The following GSE1 variants were observed in gnomAD, a reference collection of about 807,000 sequenced individuals.
GSE1 encodes the protein genetic suppressor element 1.
In GSE1, 32 loss-of-function variants were observed where a neutral mutation model predicts 112.6. That is an observed-to-expected ratio of 0.28 (90% CI 0.21 to 0.38). The LOEUF (loss-of-function observed/expected upper bound fraction) is 0.38. Among genes scored for constraint, GSE1 ranks in the 10% least tolerant of loss-of-function variants. The pLI is 1.00. For synonymous variants in GSE1, 1,115 were observed against 735.6 expected (o/e 1.52, Z -8.35); for missense variants, 2,348 against 1,699.2 (o/e 1.38, Z -6.71).
intron 2 of GSE1, among the ~76,000 whole-genome samples, chr16:85,516,209 A>C (rs1289232160): frequency 6.6e-6 from 1 of 151,924 alleles, no homozygotes; most frequent in Non-Finnish European, 1.5e-5. Flanking sequence ...GGCCTGGGGA[A>C]GGGGGCGGAG....
At chr16:85,310,779 G>GT (rs999067622) in intron 1 of GSE1, among the ~76,000 whole-genome samples, 3 of 150,692 alleles carry the variant, frequency 2.0e-5, no homozygotes, top group African/African-American at 7.3e-5. Flanking sequence ...TCTGGCCTGC[G>GT]TCCCCCCCCC....
At chr16:85,343,790 G>C (rs1017530720) in intron 1 of GSE1, among the ~76,000 whole-genome samples, 1 of 152,126 alleles carries the variant, frequency 6.6e-6, no homozygotes, top group Admixed American at 6.5e-5. Flanking sequence ...TCAAAATGAT[G>C]TCTCTTCAGC....
intron 1 of GSE1, among the ~76,000 whole-genome samples, chr16:85,264,043 A>G (rs1907983384): frequency 6.6e-6 from 1 of 152,100 alleles, no homozygotes; most frequent in African/African-American, 2.4e-5. Flanking sequence ...TGAGGGCTCC[A>G]CAGACCCTTA....
At chr16:85,443,490 G>A (rs1408526559) in intron 2 of GSE1, among the ~76,000 whole-genome samples, 1 of 152,268 alleles carries the variant, frequency 6.6e-6, no homozygotes, top group East Asian at 1.9e-4. Context: ...ATGGATGGAA[G>A]GCGCTTCCAC....
At chr16:85,659,123 G>T (rs1271562340) in intron 8 of GSE1, among the ~76,000 whole-genome samples, 2 of 152,184 alleles carry the variant, frequency 1.3e-5, no homozygotes, top group Admixed American at 1.3e-4. Flanking sequence ...TCTTCCTGTG[G>T]TTCCCTGTTG....
intron 1 of GSE1, among the ~76,000 whole-genome samples, chr16:85,617,353 C>A (rs2048433143): frequency 6.6e-6 from 1 of 152,182 alleles, no homozygotes; most frequent in South Asian, 2.1e-4. Context: ...TCACCTGCAC[C>A]TACCAGTCAT....
At chr16:85,364,296 C>G (rs2047142012) in intron 2 of GSE1, among the ~76,000 whole-genome samples, 1 of 152,332 alleles carries the variant, frequency 6.6e-6, no homozygotes, top group East Asian at 1.9e-4. Context: ...CTGCCCCCCT[C>G]TCCTACTTAG....
chr16:85,374,533 TGTGTGTGTGTGCGC>T (rs2047376140), intron 2 of GSE1, among the ~76,000 whole-genome samples: 2 of 20,684 alleles, frequency 9.7e-5, no homozygotes, highest in Non-Finnish European at 1.5e-3. Flanking sequence ...TGCGTGTGTG[TGTGTGTGTGTGCGC>T]GCGCGCGTGC....
intron 2 of GSE1, among the ~76,000 whole-genome samples, chr16:85,359,034 G>A (rs190581317): frequency 4.1e-4 from 62 of 152,342 alleles, no homozygotes; most frequent in Non-Finnish European, 6.9e-4. Context: ...GGACCCGAGC[G>A]TGTTTGTGAC....
At position 85,657,392 on chromosome 16, in the gene GSE1, T is replaced by G. The variant is rs765018382; in HGVS notation, c.1428T>G (p.Ser476=). 1.2e-6 allele frequency: 2 copies of G among 1,612,612 alleles called. No individual in the cohort carries two copies. Among genetic ancestry groups the G allele is most frequent in the Admixed American group, 3.3e-5 (2 of 59,978 alleles). The change falls in exon 8 of 16, where the codon TCT becomes TCG. Residue 476 remains serine, a synonymous_variant. Coordinates refer to ENST00000253458, the MANE Select transcript of GSE1 (RefSeq NM_014615.5). ...PSLISNHGIF[S]LPSSSAATAL... ...TCATCTCCAACCATGGCATCTTCTC[T>G]CTGCCTAGCAGCAGTGCTGCCACAG...
chr16:85,271,899 G>A (rs1381837510), intron 1 of GSE1, among the ~76,000 whole-genome samples: 1 of 152,236 alleles, frequency 6.6e-6, no homozygotes, highest in Non-Finnish European at 1.5e-5. Flanking sequence ...GGAGACCCCA[G>A]GGCTGGGGTC....
At chr16:85,527,298 C>G (rs574407469) in intron 2 of GSE1, among the ~76,000 whole-genome samples, 1 of 152,216 alleles carries the variant, frequency 6.6e-6, no homozygotes, top group African/African-American at 2.4e-5. Context: ...TCATGTGAGG[C>G]GGGTGATTGA....
chr16:85,665,789 C>A (rs770618243), intron 12 of GSE1, among the ~76,000 whole-genome samples, 187 bp from the exon 13 acceptor site: 15 of 152,202 alleles, frequency 9.9e-5, no homozygotes, highest in Admixed American at 7.9e-4. Flanking sequence ...ATGGACTTGC[C>A]ACTAAACACC....
intron 1 of GSE1, among the ~76,000 whole-genome samples, chr16:85,179,351 G>A (rs952841112): frequency 3.3e-5 from 5 of 152,208 alleles, no homozygotes; most frequent in Non-Finnish European, 5.9e-5. Flanking sequence ...CCCGTTTTGT[G>A]GCTAAGAACG....
At chr16:85,280,917 G>A (rs2044838919) in intron 1 of GSE1, among the ~76,000 whole-genome samples, 1 of 152,166 alleles carries the variant, frequency 6.6e-6, no homozygotes, top group Non-Finnish European at 1.5e-5. Context: ...GGGTCCTCGG[G>A]CTGAATTGGA....
intron 1 of GSE1, among the ~76,000 whole-genome samples, chr16:85,228,428 C>T (rs563762454): frequency 1.3e-5 from 2 of 152,294 alleles, no homozygotes; most frequent in Non-Finnish European, 2.9e-5. Flanking sequence ...TGAGTCAGTG[C>T]GGCGAAGGCC....
chr16:85,343,039 G>A (rs1249659917), intron 1 of GSE1, among the ~76,000 whole-genome samples: 1 of 152,006 alleles, frequency 6.6e-6, no homozygotes, highest in East Asian at 2.0e-4. Context: ...TGCAGAGGGA[G>A]CAGCTGAGCT....
At chr16:85,659,146 A>AGG (rs1270117334) in intron 8 of GSE1, among the ~76,000 whole-genome samples, 1 of 152,168 alleles carries the variant, frequency 6.6e-6, no homozygotes, top group Non-Finnish European at 1.5e-5. Flanking sequence ...TTCTGCTAAG[A>AGG]GGGACAGCAG....
At chr16:85,514,547 G>T (rs1160362262) in intron 2 of GSE1, among the ~76,000 whole-genome samples, 1 of 152,026 alleles carries the variant, frequency 6.6e-6, no homozygotes, top group Non-Finnish European at 1.5e-5. Context: ...GAATGACACC[G>T]CTGGAAGCTT....
Sources: allele counts gnomAD v4.1 joint callset (sites outside exome capture counted in the v4.1 genomes callset), GRCh38; gene constraint gnomAD v4.1.1; transcripts MANE v1.5; gene names NCBI Gene and HGNC (gene_info 2026-07-23, HGNC 2026-07-21).